MAPK13: variants seen among roughly 807,000 people sequenced by gnomAD.
MAPK13 encodes the protein mitogen-activated protein kinase 13, also known as MAP kinase 13.
In MAPK13, 39 loss-of-function variants were observed where a neutral mutation model predicts 53.5. That is an observed-to-expected ratio of 0.73 (90% CI 0.56 to 0.95). The LOEUF is 0.95. Ranked by LOEUF, MAPK13 falls within the 40% of genes least tolerant of loss-of-function variation. The pLI is 0.00. For synonymous variants in MAPK13, 179 were observed against 190.9 expected, an observed-to-expected ratio of 0.94 and a Z score of 0.51; for missense variants, 460 against 471.8, an observed-to-expected ratio of 0.98 and a Z score of 0.23.
rs773491860 is a variant in MAPK13, at chr6:36,144,268, C to T, written c.*4895C>T. 3 of 152,104 alleles carry T rather than the reference C, an allele frequency of 2.0e-5. No homozygotes were observed. The highest frequency in any genetic ancestry group is 2.9e-5 in the Non-Finnish European group (2 of 68,026). The allele number at this position is 152,104 out of a possible 1,614,324, so 9.4% of individuals were successfully genotyped here. The stretch of plus-strand genomic sequence containing the variant: ...GTCAAAATATTTTTAAAATGTATAA[C>T]GTGATACTATGTGTATAGGTTTCTT... On this transcript the variant is annotated 3_prime_UTR_variant, in exon 12 of 12. Coordinates refer to ENST00000211287, the MANE Select transcript of MAPK13 (RefSeq NM_002754.5).
chr6:36,130,762 A>G lies in MAPK13; in HGVS notation c.119+61A>G, dbSNP rs532332558. ...GCGCCAGGCTCTCCCCTTTCCGCCC[A>G]GCCCGCCCTGGGCTGGCCCCTCGCC... On this transcript the variant is annotated intron_variant, in intron 1 of 11. Coordinates refer to ENST00000211287, the MANE Select transcript of MAPK13 (RefSeq NM_002754.5). The surrounding 1 kb of genome is among the most constrained non-coding windows in gnomAD (Gnocchi z 4.5). 5.4e-5 allele frequency: 51 copies of G among 943,866 alleles called. No individual in the cohort carries two copies. The East Asian group carries it at 1.8e-3, about 33-fold the overall frequency. 58.5% of individuals were successfully genotyped at this position (943,866 alleles called of 1,614,324 possible). A position where few individuals can be genotyped will look rare whatever the true frequency, so the allele number is the denominator to read the frequency against.
chr6:36,135,989 T>C (rs200609239), intron 4 of MAPK13, 30 bp from the exon 5 acceptor site: 7 of 1,614,022 alleles, frequency 4.3e-6, no homozygotes, highest in Non-Finnish European at 4.2e-6. Flanking sequence ...AGCTGGGCCA[T>C]GGACTCACCC....
In MAPK13 at chr6:36,140,493, G is replaced by A. The variant is rs946428370; in HGVS notation, c.*1120G>A. ...TCTCAAATTTCCTTGTGCACCAGGG[G>A]ACTTGTTAAAATGCAGATTCCTGGG... On this transcript the variant is annotated 3_prime_UTR_variant, in exon 12 of 12. Coordinates refer to ENST00000211287, the MANE Select transcript of MAPK13 (RefSeq NM_002754.5). 6.6e-6 allele frequency: 1 copy of A among 152,596 alleles called. No individual in the cohort carries two copies. Among genetic ancestry groups the A allele is most frequent in the South Asian group, 2.1e-4 (1 of 4,824 alleles). The allele number at this position is 152,596 out of a possible 1,614,324, so 9.5% of individuals were successfully genotyped here. A position where few individuals can be genotyped will look rare whatever the true frequency, so the allele number is the denominator to read the frequency against.
Position 36,138,789 on chromosome 6 carries a change from C to G in MAPK13, c.841+9C>G. The stretch of plus-strand genomic sequence containing the variant: ...ACGGGCCAGCCCCCAGGGTGAGTCT[C>G]AGAGCCCGCTCCCCAGGGGCCTCTC... On this transcript the variant is annotated intron_variant, in intron 10 of 11. Coordinates refer to ENST00000211287, the MANE Select transcript of MAPK13 (RefSeq NM_002754.5). The G allele has an allele frequency of 6.2e-7, 1 of 1,614,136 alleles. No individual in the cohort carries two copies. Among genetic ancestry groups the G allele is most frequent in the African/African-American group, 1.3e-5 (1 of 75,066 alleles).
Position 36,136,677 on chromosome 6 carries a change from C to A in MAPK13, c.517C>A (p.Arg173=). Residue 173 remains arginine, a synonymous_variant, in exon 7 of 12, where the codon CGA becomes AGA. Transcript: ENST00000211287. ...ATAGATTCTGGATTTTGGGCTGGCG[C>A]GACATGCAGACGCCGAGATGACTGG... ...ELKILDFGLA[R]HADAEMTGYV... 2.5e-6 allele frequency: 4 copies of A among 1,613,906 alleles called. No homozygotes were observed. The highest frequency in any genetic ancestry group is 3.4e-6 in the Non-Finnish European group (4 of 1,179,920).
Position 36,139,363 on chromosome 6 carries a change from T to A in MAPK13, c.1088T>A (p.Met363Lys). 1 of 1,614,074 alleles carries A rather than the reference T, an allele frequency of 6.2e-7. No individual in the cohort carries two copies. Among genetic ancestry groups the A allele is most frequent in the Non-Finnish European group, 8.5e-7 (1 of 1,179,978 alleles). ...AAGGACTCACGGCGCCGGAGTGGCA[T>A]GAAGCTGTAGGGACTCATCTTGCAT... ...ARKDSRRRSG[M>K]KL The change falls in exon 12 of 12, where the codon ATG becomes AAG. Residue 363 changes from methionine to lysine, a missense_variant. By Grantham distance (95) the Met-to-Lys change is moderately conservative (BLOSUM62 -1). Transcript: ENST00000211287.
intron 8 of MAPK13, 36 bp from the exon 9 acceptor site, chr6:36,138,329 C>G: frequency 6.4e-7 from 1 of 1,571,084 alleles, no homozygotes; most frequent in Non-Finnish European, 8.8e-7. Context: ...TCAGACCCAC[C>G]AGGAGAGCAA....
At chr6:36,133,089 G>A (rs530617582) in intron 3 of MAPK13, among the ~76,000 whole-genome samples, 1 of 152,366 alleles carries the variant, frequency 6.6e-6, no homozygotes, top group South Asian at 2.1e-4. Flanking sequence ...TCTGGCTGAT[G>A]GGGGTGTTTG....
intron 11 of MAPK13, 24 bp from the exon 12 acceptor site, chr6:36,139,270 C>A (rs897032813): frequency 1.2e-6 from 2 of 1,610,550 alleles, no homozygotes; most frequent in Non-Finnish European, 1.7e-6. Flanking sequence ...CTTTACGCAC[C>A]TTAAACCATG....
In MAPK13 at chr6:36,140,204, CT is replaced by C. The variant is rs1766507993; in HGVS notation, c.*832del. The C allele has an allele frequency of 6.6e-6, 1 of 152,272 alleles. No individual in the cohort carries two copies. The highest frequency in any genetic ancestry group is 1.5e-5 in the Non-Finnish European group (1 of 68,054). The allele number at this position is 152,272 out of a possible 1,614,324, so 9.4% of individuals were successfully genotyped here. On this transcript the variant is annotated 3_prime_UTR_variant, in exon 12 of 12. Coordinates refer to ENST00000211287, the MANE Select transcript of MAPK13 (RefSeq NM_002754.5). ...TAAATTAAGGGAGTTGCAGAGAGAGCTGCAGCTGGTGCGATTGCATTCAGGT... is the reference window on the plus strand; with the variant it reads ...TAAATTAAGGGAGTTGCAGAGAGAGCGCAGCTGGTGCGATTGCATTCAGGT...
chr6:36,134,320 AAAC>A (rs143995200), intron 3 of MAPK13, among the ~76,000 whole-genome samples: 23 of 152,186 alleles, frequency 1.5e-4, no homozygotes, highest in East Asian at 1.2e-3. Context: ...GTCCTTTCAA[AAAC>A]AACAACAACA....
At chr6:36,133,949 T>C (rs1484339589) in intron 3 of MAPK13, among the ~76,000 whole-genome samples, 1 of 152,116 alleles carries the variant, frequency 6.6e-6, no homozygotes, top group Non-Finnish European at 1.5e-5. Context: ...ATGGTGTGTT[T>C]GTCGGGTGTT....
In MAPK13 at chr6:36,138,763, C is replaced by A. The variant is rs1766470080; in HGVS notation, c.824C>A (p.Pro275Gln). 1 of 1,614,090 alleles carries A rather than the reference C, an allele frequency of 6.2e-7. No individual in the cohort carries two copies. Among genetic ancestry groups the A allele is most frequent in the Non-Finnish European group, 8.5e-7 (1 of 1,180,042 alleles). Residue 275 changes from proline (P) to glutamine (Q), a missense_variant, in exon 10 of 12, where the codon CCA becomes CAA. Pro to Gln is a moderately conservative substitution (Grantham distance 76). Coordinates refer to ENST00000211287, the MANE Select transcript of MAPK13 (RefSeq NM_002754.5). ...TPRKDFTQLF[P>Q]RASPQAADLL... is the part of the protein sequence containing the mutation. ...AGGAAGGATTTCACTCAGCTGTTCC[C>A]ACGGGCCAGCCCCCAGGGTGAGTCT...
chr6:36,132,210 C>T (rs1015519152), intron 2 of MAPK13, among the ~76,000 whole-genome samples: 3 of 149,144 alleles, frequency 2.0e-5, no homozygotes, highest in Admixed American at 2.0e-4. Context: ...TGGCTGGAGA[C>T]CCAAGGTCAG....
chr6:36,139,716 C>T lies in MAPK13; in HGVS notation c.*343C>T. The T allele has an allele frequency of 7.6e-6, 2 of 264,216 alleles. No homozygotes were observed. Among genetic ancestry groups the T allele is most frequent in the South Asian group, 1.1e-4 (2 of 17,902 alleles). The allele number at this position is 264,216 out of a possible 1,614,324, so 16.4% of individuals were successfully genotyped here. A position where few individuals can be genotyped will look rare whatever the true frequency, so the allele number is the denominator to read the frequency against. On this transcript the variant is annotated 3_prime_UTR_variant, in exon 12 of 12. Coordinates refer to ENST00000211287, the MANE Select transcript of MAPK13 (RefSeq NM_002754.5). The stretch of plus-strand genomic sequence containing the variant: ...TCCTAGGGATGCTCTAACGAATTAC[C>T]ACAAACCTGGTGGATTGAAACAGCA...
At chr6:36,136,601 C>T (rs1561789999) in intron 6 of MAPK13, 55 bp from the exon 7 acceptor site, 1 of 1,607,146 alleles carries the variant, frequency 6.2e-7, no homozygotes, top group Non-Finnish European at 8.5e-7. Flanking sequence ...GGAAGCCGCT[C>T]CCAGAGCCTC....
Position 36,132,690 on chromosome 6 carries a change from C to T in MAPK13, c.308+11C>T. On this transcript the variant is annotated intron_variant, in intron 3 of 11. Transcript: ENST00000211287. ...CAACTTCTATGACTTGTGAGTTGGG[C>T]TGCACTGGGTTCTGGGGCATTTGCA... 1 of 1,614,212 alleles carries T rather than the reference C, an allele frequency of 6.2e-7. No homozygotes were observed. Among genetic ancestry groups the T allele is most frequent in the African/African-American group, 1.3e-5 (1 of 75,062 alleles).
At position 36,131,259 on chromosome 6, in the gene MAPK13, T is replaced by C; in HGVS notation, c.120-12T>C. The C allele has an allele frequency of 6.2e-7, 1 of 1,609,790 alleles. No individual in the cohort carries two copies. Among genetic ancestry groups the C allele is most frequent in the African/African-American group, 1.3e-5 (1 of 75,006 alleles). ...GGAGAGCCTCGCCTGCTGACCGGCC[T>C]GTGCCCGACAGCTCGGCCATCGACA... On this transcript the variant is annotated splice_polypyrimidine_tract_variant and intron_variant, in intron 1 of 11. Coordinates refer to ENST00000211287, the MANE Select transcript of MAPK13 (RefSeq NM_002754.5).
chr6:36,135,515 C>T (rs1206274526), intron 3 of MAPK13, among the ~76,000 whole-genome samples: 1 of 152,232 alleles, frequency 6.6e-6, no homozygotes, highest in Middle Eastern at 3.2e-3. Context: ...TTCCTGAGCG[C>T]GCTCCAACTG....
Sources: allele counts gnomAD v4.1 joint callset (sites outside exome capture counted in the v4.1 genomes callset), GRCh38; gene constraint gnomAD v4.1.1; non-coding constraint Gnocchi (gnomAD v3.1); transcripts MANE v1.5; gene names NCBI Gene and HGNC (gene_info 2026-07-23, HGNC 2026-07-21).